CSMD1: variants seen among roughly 807,000 people sequenced by gnomAD.
CSMD1 encodes CUB and Sushi multiple domains 1.
CSMD1 carries 213 observed loss-of-function variants against 417.5 expected under a neutral mutation model. That is an observed-to-expected ratio of 0.51 (90% CI 0.46 to 0.57). CSMD1 has a LOEUF of 0.57. Among genes scored for constraint, CSMD1 ranks in the 20% least tolerant of loss-of-function variants. The pLI is 0.00. For missense variants in CSMD1, 6,923 were observed against 4,529.7 expected (o/e 1.53, Z -15.17); for synonymous variants, 2,862 against 1,736.8 (o/e 1.65, Z -16.11).
chr8:3,182,292 G>T (rs1252515536), intron 36 of CSMD1, among the ~76,000 whole-genome samples: 1 of 152,124 alleles, frequency 6.6e-6, no homozygotes, highest in Non-Finnish European at 1.5e-5. Context: ...TGTCACCCAG[G>T]CTGGAGTGCA....
chr8:3,916,580 T>C (rs1808845964), intron 5 of CSMD1, among the ~76,000 whole-genome samples: 1 of 152,138 alleles, frequency 6.6e-6, no homozygotes, highest in Non-Finnish European at 1.5e-5. Context: ...TGTATGAACA[T>C]TATGTAGGTG....
chr8:4,316,960 A>G (rs974749558), intron 3 of CSMD1, among the ~76,000 whole-genome samples: 5 of 152,158 alleles, frequency 3.3e-5, no homozygotes, highest in Non-Finnish European at 7.3e-5. Context: ...GATTCATACG[A>G]AAACTCAAGA....
chr8:4,017,225 G>C (rs1022373027), intron 4 of CSMD1, among the ~76,000 whole-genome samples: 1 of 151,978 alleles, frequency 6.6e-6, no homozygotes, highest in African/African-American at 2.4e-5. Flanking sequence ...ATTTTAAATT[G>C]TCAGCACTAT....
At chr8:3,399,563 A>G (rs750277480) in intron 15 of CSMD1, 34 bp from the exon 16 acceptor site, 1 of 1,519,142 alleles carries the variant, frequency 6.6e-7, no homozygotes, top group Non-Finnish European at 8.9e-7. Flanking sequence ...ATTAGATCCA[A>G]TGAGACAGAA....
chr8:4,881,535 T>C (rs1312686784), intron 1 of CSMD1, among the ~76,000 whole-genome samples: 1 of 1,000 alleles, frequency 1.0e-3, no homozygotes, highest in African/African-American at 1.1e-3. Context: ...CGAAGTTAGT[T>C]TTTTTTTTTT....
intron 3 of CSMD1, among the ~76,000 whole-genome samples, chr8:4,138,490 C>A (rs1803575892): frequency 6.6e-6 from 1 of 152,024 alleles, no homozygotes; most frequent in African/African-American, 2.4e-5. Flanking sequence ...TTCATTCCAT[C>A]CACTAAAAAT....
intron 1 of CSMD1, among the ~76,000 whole-genome samples, chr8:4,894,410 C>T (rs1804337514): frequency 6.6e-6 from 1 of 151,590 alleles, no homozygotes; most frequent in African/African-American, 2.4e-5. Flanking sequence ...TTTCTCTGCC[C>T]ATTTCAGGTT....
chr8:4,291,675 C>T (rs528028590), intron 3 of CSMD1, among the ~76,000 whole-genome samples: 12 of 152,170 alleles, frequency 7.9e-5, no homozygotes, highest in African/African-American at 2.6e-4. Context: ...CAGAAAGATA[C>T]AAAATTCTTT....
intron 3 of CSMD1, among the ~76,000 whole-genome samples, chr8:4,388,097 A>T (rs1803581185): frequency 6.6e-6 from 1 of 152,214 alleles, no homozygotes; most frequent in Non-Finnish European, 1.5e-5. Flanking sequence ...CCAGGACTAA[A>T]GATACAGCTG....
intron 5 of CSMD1, among the ~76,000 whole-genome samples, chr8:3,926,135 G>C (rs1359182052): frequency 1.8e-5 from 2 of 111,050 alleles, no homozygotes; most frequent in Non-Finnish European, 3.8e-5. Flanking sequence ...ACACACACTT[G>C]TGGTGTGTAT....
At chr8:3,075,584 C>T (rs903929044) in intron 49 of CSMD1, among the ~76,000 whole-genome samples, 4 of 151,970 alleles carry the variant, frequency 2.6e-5, no homozygotes, top group Non-Finnish European at 4.4e-5. Flanking sequence ...CCAGGCTAGC[C>T]TCATGTATTT....
chr8:3,383,042 C>T (rs1196899319), intron 18 of CSMD1, among the ~76,000 whole-genome samples: 2 of 152,150 alleles, frequency 1.3e-5, no homozygotes, highest in African/African-American at 2.4e-5. Context: ...ATGATGCCAG[C>T]GCATGTAGAT....
chr8:3,894,741 C>G (rs891507359), intron 5 of CSMD1, among the ~76,000 whole-genome samples: 1 of 152,170 alleles, frequency 6.6e-6, no homozygotes, highest in Non-Finnish European at 1.5e-5. Flanking sequence ...ACTAGAATTA[C>G]TAAGGAAGTG....
At chr8:3,980,263 C>G (rs66591648) in intron 5 of CSMD1, among the ~76,000 whole-genome samples, 35,605 of 152,136 alleles carry the variant, frequency 0.23, 4,276 homozygotes, top group East Asian at 0.4. Context: ...AGGGGAAAAG[C>G]TGAACTAGCA....
rs1490376054 is a variant in CSMD1, at chr8:3,142,604, A to C, written c.6102T>G (p.Pro2034=). 3.1e-6 allele frequency: 5 copies of C among 1,613,886 alleles called. No homozygotes were observed. The African/African-American group carries it at 6.7e-5, about 22-fold the overall frequency. The change falls in exon 41 of 70, where the codon CCT becomes CCG. Residue 2034 remains proline (P), a synonymous_variant. Coordinates refer to ENST00000635120, the MANE Select transcript of CSMD1 (RefSeq NM_033225.6). ...GTCCAATCATGGGGCTGGTGTGGTA[A>C]GGTCCATTTTGAATTTCAAGGAAGT... The part of the protein sequence containing the change: ...NHDFLEIQNG[P]YHTSPMIGQF...
chr8:3,401,798 C>T (rs1421614814), intron 15 of CSMD1, among the ~76,000 whole-genome samples: 1 of 152,068 alleles, frequency 6.6e-6, no homozygotes, highest in East Asian at 1.9e-4. Context: ...TGACAAGGTT[C>T]CTTTAATCTA....
chr8:4,623,869 C>CT, intron 2 of CSMD1, among the ~76,000 whole-genome samples: 1 of 152,032 alleles, frequency 6.6e-6, no homozygotes, highest in African/African-American at 2.4e-5. Flanking sequence ...TGACCGGGGT[C>CT]ACAAGAAAAG....
At chr8:3,528,018 C>T (rs1797825646) in intron 10 of CSMD1, among the ~76,000 whole-genome samples, 1 of 152,146 alleles carries the variant, frequency 6.6e-6, no homozygotes, top group South Asian at 2.1e-4. Flanking sequence ...ACAACCAAAA[C>T]TGTCTCCAGC....
At chr8:3,824,307 A>T (rs901327609) in intron 5 of CSMD1, among the ~76,000 whole-genome samples, 1 of 152,230 alleles carries the variant, frequency 6.6e-6, no homozygotes, top group South Asian at 2.1e-4. Flanking sequence ...AAACGGGCAC[A>T]ACAGCCTAGG....
Sources: allele counts gnomAD v4.1 joint callset (sites outside exome capture counted in the v4.1 genomes callset), GRCh38; gene constraint gnomAD v4.1.1; transcripts MANE v1.5; gene names NCBI Gene and HGNC (gene_info 2026-07-23, HGNC 2026-07-21).